The following SYT2 variants were observed in gnomAD, a reference collection of about 807,000 sequenced individuals.
SYT2 encodes synaptotagmin-2.
Under a neutral mutation model 39.9 loss-of-function variants are expected in SYT2, and 15 were observed. The ratio of observed to expected loss-of-function variants is 0.38; its 90% CI spans 0.25 to 0.58. The LOEUF is 0.58. Ranked by LOEUF, SYT2 falls within the 20% of genes least tolerant of loss-of-function variation. SYT2 has a pLI of 0.70. For missense variants in SYT2, 389 were observed against 530.3 expected (o/e 0.73, Z 2.62); for synonymous variants, 181 against 204.5 (o/e 0.89, Z 0.98).
intron 1 of SYT2, among the ~76,000 whole-genome samples, chr1:202,647,503 C>A (rs1692110672): frequency 6.6e-6 from 1 of 152,090 alleles, no homozygotes; most frequent in African/African-American, 2.4e-5. Flanking sequence ...CTGAACCCTG[C>A]AACAGTAGCT....
Position 202,602,982 on chromosome 1 carries a change from C to T in SYT2, c.465+17G>A, listed in dbSNP as rs1184418404. On this transcript the variant is annotated intron_variant, in intron 4 of 8. Transcript: ENST00000367268. ...TCTCCCCATTCCCCCACTCTGCCCCCCCACAGCCCTGCATACCTGATTAGC... is the reference window on the plus strand; with the variant it reads ...TCTCCCCATTCCCCCACTCTGCCCCTCCACAGCCCTGCATACCTGATTAGC... 2.5e-6 allele frequency: 4 copies of T among 1,608,746 alleles called. No individual in the cohort carries two copies. The highest frequency in any genetic ancestry group is 1.7e-4 in the Middle Eastern group (1 of 6,038).
At chr1:202,624,976 GGT>G (rs1691336606) in intron 1 of SYT2, among the ~76,000 whole-genome samples, 1 of 147,636 alleles carries the variant, frequency 6.8e-6, no homozygotes, top group East Asian at 2.1e-4. Flanking sequence ...TGGCATGTGT[GGT>G]GTGTGTAGTG....
At chr1:202,652,621 A>G (rs1201728928) in intron 1 of SYT2, among the ~76,000 whole-genome samples, 8 of 152,136 alleles carry the variant, frequency 5.3e-5, no homozygotes, top group Non-Finnish European at 8.8e-5. Context: ...GGGTCACTTG[A>G]GGAGCTTAAA....
Position 202,596,859 on chromosome 1 carries a change from C to T in SYT2, c.1158G>A (p.Arg386=). 6.2e-7 allele frequency: 1 copy of T among 1,614,222 alleles called. No homozygotes were observed. Among genetic ancestry groups the T allele is most frequent in the Non-Finnish European group, 8.5e-7 (1 of 1,180,048 alleles). Residue 386 remains arginine (R), a synonymous_variant, in exon 9 of 9, where the codon CGG becomes CGA. Coordinates refer to ENST00000367268, the MANE Select transcript of SYT2 (RefSeq NM_177402.5). The stretch of plus-strand genomic sequence containing the variant: ...GGTTGGCCAGCATGTCGGACCAGTG[C>T]CGCAGCTCTGTGCCCGTGGCATTGC... ...VGSNATGTEL[R]HWSDMLANPR... is the part of the protein sequence containing the mutation.
At chr1:202,640,682 G>C (rs1691880334) in intron 1 of SYT2, among the ~76,000 whole-genome samples, 1 of 151,438 alleles carries the variant, frequency 6.6e-6, no homozygotes, top group Non-Finnish European at 1.5e-5. Flanking sequence ...TGGAAAGTCA[G>C]GCAGTCTCTC....
chr1:202,612,679 A>G (rs1342137605), intron 1 of SYT2, among the ~76,000 whole-genome samples: 3 of 152,142 alleles, frequency 2.0e-5, no homozygotes, highest in East Asian at 1.9e-4. Flanking sequence ...TTCTTCTTTA[A>G]TCAGGATTGT....
intron 1 of SYT2, among the ~76,000 whole-genome samples, chr1:202,697,940 T>C (rs566296203): frequency 1.3e-5 from 2 of 152,316 alleles, no homozygotes; most frequent in Non-Finnish European, 2.9e-5. Context: ...GATTTCTTCC[T>C]TGCTGATAGC....
intron 1 of SYT2, chr1:202,631,946 C>G: frequency 1.2e-6 from 1 of 826,300 alleles, no homozygotes; most frequent in Non-Finnish European, 1.5e-6. Flanking sequence ...GCTGATTGGC[C>G]TCATTCGCCA....
intron 1 of SYT2, among the ~76,000 whole-genome samples, chr1:202,671,973 C>A (rs982457816): frequency 6.6e-6 from 1 of 152,138 alleles, no homozygotes; most frequent in South Asian, 2.1e-4. Context: ...GGAACTCAGG[C>A]ACACAAAGAA....
At chr1:202,693,778 T>C (rs1032876260) in intron 1 of SYT2, among the ~76,000 whole-genome samples, 1 of 152,232 alleles carries the variant, frequency 6.6e-6, no homozygotes. Flanking sequence ...TAGTCCATTT[T>C]TGCATTGCTA....
intron 1 of SYT2, among the ~76,000 whole-genome samples, chr1:202,690,745 C>T (rs1653798448): frequency 6.6e-6 from 1 of 152,336 alleles, no homozygotes; most frequent in Admixed American, 6.5e-5. Flanking sequence ...CTAAAACAGA[C>T]TAAGTTCTTG....
chr1:202,644,454 CTCAACCCCCAACCTCACCCGAT>C (rs1305363164), intron 1 of SYT2, among the ~76,000 whole-genome samples: 2 of 152,172 alleles, frequency 1.3e-5, no homozygotes, highest in Admixed American at 1.3e-4. Flanking sequence ...GGGCCTCACC[CTCAACCCCCAACCTCACCCGAT>C]AAGACCTCGG....
At chr1:202,700,126 A>C (rs1654075655) in intron 1 of SYT2, among the ~76,000 whole-genome samples, 1 of 152,094 alleles carries the variant, frequency 6.6e-6, no homozygotes, top group African/African-American at 2.4e-5. Context: ...AACTCCAAGA[A>C]AAGCTCCCCT....
At chr1:202,645,255 C>T (rs925521885) in intron 1 of SYT2, among the ~76,000 whole-genome samples, 15 of 152,204 alleles carry the variant, frequency 9.9e-5, no homozygotes, top group African/African-American at 1.7e-4. Context: ...ACCTCGTCAT[C>T]CCACACTGAG....
intron 1 of SYT2, among the ~76,000 whole-genome samples, chr1:202,695,383 C>T (rs1653947608): frequency 6.6e-6 from 1 of 152,168 alleles, no homozygotes; most frequent in Non-Finnish European, 1.5e-5. Flanking sequence ...CCCACAACTT[C>T]AAGGAACCCA....
chr1:202,644,769 C>T (rs1280440856), intron 1 of SYT2, among the ~76,000 whole-genome samples: 1 of 152,134 alleles, frequency 6.6e-6, no homozygotes, highest in East Asian at 1.9e-4. Flanking sequence ...GGCTTCTCAT[C>T]CCCACAGAGT....
At chr1:202,698,811 T>C (rs192923997) in intron 1 of SYT2, among the ~76,000 whole-genome samples, 2 of 152,262 alleles carry the variant, frequency 1.3e-5, no homozygotes, top group Admixed American at 6.5e-5. Context: ...GGACTGATTT[T>C]ACTTCCTAGA....
chr1:202,617,037 G>A (rs516539), intron 1 of SYT2, among the ~76,000 whole-genome samples: 146,099 of 152,340 alleles, frequency 0.96, 70,358 homozygotes, highest in East Asian at 1. Context: ...GAGACAGGCC[G>A]AAAGCCCTAG....
intron 1 of SYT2, among the ~76,000 whole-genome samples, chr1:202,678,220 G>C (rs915450318): frequency 1.5e-5 from 2 of 135,336 alleles, no homozygotes; most frequent in African/African-American, 5.6e-5. Flanking sequence ...GTTGCAGTGA[G>C]CCGAGATCGT....
Sources: gnomAD v4.1 joint callset for allele counts (sites outside exome capture counted in the v4.1 genomes callset) on GRCh38, gnomAD v4.1.1 for gene constraint, MANE v1.5 for transcripts, NCBI Gene and HGNC (gene_info 2026-07-23, HGNC 2026-07-21) for gene names.